Variants in RPH3A observed in about 807,000 individuals in gnomAD.
The protein encoded by RPH3A is rabphilin 3A.
Under a neutral mutation model 102.2 loss-of-function variants are expected in RPH3A, and 48 were observed. The ratio of observed to expected loss-of-function variants is 0.47; its 90% CI spans 0.37 to 0.60. The LOEUF (loss-of-function observed/expected upper bound fraction) is 0.60, where lower values mean the gene tolerates loss of function less well. Ranked by LOEUF, RPH3A falls within the 20% of genes least tolerant of loss-of-function variation. The probability of loss-of-function intolerance (pLI) is 0.00; values close to 1 mark genes in which losing one functional copy is unlikely to be tolerated. For missense variants in RPH3A, 781 were observed against 910.1 expected, an observed-to-expected ratio of 0.86 and a Z score of 1.83; for synonymous variants, 310 against 324.3, an observed-to-expected ratio of 0.96 and a Z score of 0.47.
chr12:112,694,760 G>T (rs1468852976), intron 1 of RPH3A, among the ~76,000 whole-genome samples: 4 of 151,320 alleles, frequency 2.6e-5, no homozygotes, highest in African/African-American at 9.7e-5. Flanking sequence ...AATTACTTTA[G>T]ATTTAAGACA....
chr12:112,588,188 C>A (rs190948523), intron 1 of RPH3A, among the ~76,000 whole-genome samples: 19 of 152,266 alleles, frequency 1.2e-4, no homozygotes, highest in African/African-American at 4.6e-4. Context: ...CAAAAACAAT[C>A]TTTTTATGCA....
At chr12:112,787,524 G>A (rs1234695936), upstream of RPH3A, among the ~76,000 whole-genome samples, 2 of 152,206 alleles carry the variant, frequency 1.3e-5, no homozygotes, top group Admixed American at 6.5e-5. Context: ...GTCATGAATA[G>A]TGCTGGGGAG....
chr12:112,629,050 G>T (rs1467534953), intron 1 of RPH3A, among the ~76,000 whole-genome samples: 1 of 152,124 alleles, frequency 6.6e-6, no homozygotes, highest in African/African-American at 2.4e-5. Flanking sequence ...AATTCCTGGT[G>T]TTTAGGATAA....
intron 1 of RPH3A, among the ~76,000 whole-genome samples, chr12:112,613,609 G>A (rs1260050105): frequency 6.6e-6 from 1 of 152,118 alleles, no homozygotes; most frequent in African/African-American, 2.4e-5. Context: ...AGCAGAACCT[G>A]GGCAACATAG....
At chr12:112,729,436 T>C (rs1371406415) in intron 1 of RPH3A, among the ~76,000 whole-genome samples, 2 of 152,184 alleles carry the variant, frequency 1.3e-5, no homozygotes. Context: ...TCCACCTGCC[T>C]TGGCCTCCCA....
Position 112,868,426 on chromosome 12 carries a change from C to T in RPH3A, c.445-4C>T. 1 of 1,613,172 alleles carries T rather than the reference C, an allele frequency of 6.2e-7. No individual in the cohort carries two copies. Among genetic ancestry groups the T allele is most frequent in the Non-Finnish European group, 8.5e-7 (1 of 1,179,348 alleles). On this transcript the variant is annotated splice_region_variant and splice_polypyrimidine_tract_variant and intron_variant, in intron 7 of 21. Coordinates refer to ENST00000389385, the MANE Select transcript of RPH3A (RefSeq NM_001143854.2). The stretch of plus-strand genomic sequence containing the variant: ...ATCTTCAATCCCTGTCTCTCCTCCC[C>T]AAGGTGTGGAAGCGTTCTGGAGCGT...
chr12:112,876,940 T>C, intron 13 of RPH3A, 74 bp downstream of exon 13: 3 of 1,153,174 alleles, frequency 2.6e-6, no homozygotes, highest in Non-Finnish European at 3.6e-6. Flanking sequence ...CAGGAACGGC[T>C]CAGGAACAGC....
intron 1 of RPH3A, among the ~76,000 whole-genome samples, chr12:112,741,317 A>G (rs990843378): frequency 2.0e-5 from 3 of 151,970 alleles, no homozygotes; most frequent in Non-Finnish European, 4.4e-5. Flanking sequence ...GGGGCTTTTC[A>G]CTTCCTCCAG....
chr12:112,877,004 G>A, intron 13 of RPH3A, 138 bp downstream of exon 13: 1 of 515,862 alleles, frequency 1.9e-6, no homozygotes, highest in Non-Finnish European at 3.3e-6. Context: ...TATTAACCAA[G>A]TGATAGAAGT....
At chr12:112,653,204 A>C (rs561368013) in intron 1 of RPH3A, among the ~76,000 whole-genome samples, 1 of 152,066 alleles carries the variant, frequency 6.6e-6, no homozygotes, top group African/African-American at 2.4e-5. Flanking sequence ...CAGCCTGGTC[A>C]ACGGTGAAAC....
At chr12:112,759,698 G>T (rs995602740) in intron 1 of RPH3A, among the ~76,000 whole-genome samples, 1 of 152,132 alleles carries the variant, frequency 6.6e-6, no homozygotes, top group African/African-American at 2.4e-5. Context: ...GAGGAACCTT[G>T]GGCCCTCAGT....
chr12:112,785,230 GAA>G (rs55642465), intron 1 of RPH3A, among the ~76,000 whole-genome samples: 9 of 141,336 alleles, frequency 6.4e-5, no homozygotes, highest in African/African-American at 1.8e-4. Flanking sequence ...TCTCAAAAAA[GAA>G]AAAAAAAAAA....
chr12:112,644,605 G>A (rs985190886), intron 1 of RPH3A, among the ~76,000 whole-genome samples: 1 of 152,202 alleles, frequency 6.6e-6, no homozygotes, highest in Admixed American at 6.5e-5. Context: ...TACAGTGGCT[G>A]AGAAACATTT....
At chr12:112,679,511 C>T (rs961652591) in intron 1 of RPH3A, among the ~76,000 whole-genome samples, 2 of 152,092 alleles carry the variant, frequency 1.3e-5, no homozygotes, top group African/African-American at 4.8e-5. Context: ...CTGCAACCTC[C>T]ACCTCCCGGA....
At chr12:112,810,334 C>T (rs2136119522) in intron 2 of RPH3A, among the ~76,000 whole-genome samples, 1 of 152,328 alleles carries the variant, frequency 6.6e-6, no homozygotes, top group African/African-American at 2.4e-5. Flanking sequence ...GAACCACTTG[C>T]AACTACCCCT....
intron 1 of RPH3A, among the ~76,000 whole-genome samples, chr12:112,606,320 T>C (rs2039596323): frequency 6.6e-6 from 1 of 152,194 alleles, no homozygotes; most frequent in South Asian, 2.1e-4. Context: ...TTAGTCTAGT[T>C]CTCATATGCT....
At chr12:112,799,973 T>C (rs2041310553) in intron 2 of RPH3A, among the ~76,000 whole-genome samples, 1 of 152,138 alleles carries the variant, frequency 6.6e-6, no homozygotes, top group African/African-American at 2.4e-5. Context: ...CATTCCCCCA[T>C]TCCCTCCTTT....
chr12:112,811,520 T>G (rs2041575131), intron 2 of RPH3A, among the ~76,000 whole-genome samples: 1 of 148,986 alleles, frequency 6.7e-6, no homozygotes, highest in African/African-American at 2.5e-5. Flanking sequence ...AGTGTGGCAC[T>G]AAATAGAACC....
chr12:112,822,688 G>A (rs1197437727), intron 2 of RPH3A, among the ~76,000 whole-genome samples: 1 of 152,194 alleles, frequency 6.6e-6, no homozygotes, highest in Non-Finnish European at 1.5e-5. Context: ...ATTATTAGAC[G>A]TTTAGATTGT....
Sources: allele counts gnomAD v4.1 joint callset (sites outside exome capture counted in the v4.1 genomes callset), GRCh38; gene constraint gnomAD v4.1.1; transcripts MANE v1.5; gene names NCBI Gene and HGNC (gene_info 2026-07-23, HGNC 2026-07-21).